The following NRXN1 variants were observed in gnomAD, a reference collection of about 807,000 sequenced individuals.
NRXN1 encodes the protein neurexin-1.
A neutral mutation model predicts 150.9 loss-of-function variants in NRXN1; 39 were observed. The observed-to-expected ratio is 0.26, with a 90% CI of 0.20 to 0.34. The LOEUF (loss-of-function observed/expected upper bound fraction) is 0.34, where lower values mean the gene tolerates loss of function less well. Ranked by LOEUF, NRXN1 falls within the 10% of genes least tolerant of loss-of-function variation. The pLI is 1.00. For missense variants in NRXN1, 1,815 were observed against 1,949.9 expected (o/e 0.93, Z 1.30); for synonymous variants, 924 against 757.0 (o/e 1.22, Z -3.62).
chr2:50,385,254 A>T (rs1340805527), intron 17 of NRXN1, among the ~76,000 whole-genome samples: 1 of 152,184 alleles, frequency 6.6e-6, no homozygotes, highest in Non-Finnish European at 1.5e-5. Flanking sequence ...TGCATGAGTG[A>T]AGGAATGTTT....
chr2:50,394,350 T>C (rs904043937), intron 17 of NRXN1, among the ~76,000 whole-genome samples: 3 of 152,192 alleles, frequency 2.0e-5, no homozygotes, highest in African/African-American at 4.8e-5. Context: ...ACATCCACTT[T>C]TCCACTCCAA....
At chr2:49,943,299 T>G in intron 22 of NRXN1, among the ~76,000 whole-genome samples, 1 of 152,072 alleles carries the variant, frequency 6.6e-6, no homozygotes, top group Middle Eastern at 3.4e-3. Context: ...GCTGGCAGAG[T>G]GAGTGGTGGG....
chr2:50,742,684 G>C (rs930748519), intron 5 of NRXN1, among the ~76,000 whole-genome samples: 1 of 151,486 alleles, frequency 6.6e-6, no homozygotes, highest in Non-Finnish European at 1.5e-5. Flanking sequence ...ATATCTCAAC[G>C]TTCTAATTCA....
intron 16 of NRXN1, among the ~76,000 whole-genome samples, chr2:50,469,121 T>C (rs763448518): frequency 1.3e-5 from 2 of 151,658 alleles, no homozygotes; most frequent in Non-Finnish European, 3.0e-5. Flanking sequence ...GGGAACTTGT[T>C]AGAAATGGAA....
At chr2:50,389,546 G>A (rs936376917) in intron 17 of NRXN1, among the ~76,000 whole-genome samples, 1 of 151,784 alleles carries the variant, frequency 6.6e-6, no homozygotes, top group African/African-American at 2.4e-5. Flanking sequence ...CTGATTCTTT[G>A]TCTTTTCTCT....
chr2:50,424,965 A>T (rs1391084686), intron 17 of NRXN1, among the ~76,000 whole-genome samples: 1 of 152,236 alleles, frequency 6.6e-6, no homozygotes, highest in East Asian at 1.9e-4. Flanking sequence ...ACAATGAGAA[A>T]CTGCTCATTG....
intron 21 of NRXN1, among the ~76,000 whole-genome samples, chr2:49,995,861 T>TAAAAAAAAAAAAAAA (rs60974625): frequency 1.5e-5 from 1 of 66,174 alleles, no homozygotes; most frequent in African/African-American, 5.4e-5. Flanking sequence ...TGCTGGATAG[T>TAAAAAAAAAAAAAAA]AAAAAAAAAA....
chr2:50,333,943 C>G (rs983371671), intron 17 of NRXN1, among the ~76,000 whole-genome samples: 3 of 151,920 alleles, frequency 2.0e-5, no homozygotes, highest in African/African-American at 4.8e-5. Flanking sequence ...GCAAGTCTTG[C>G]CTTCACCATT....
At chr2:50,224,737 G>A (rs999800972) in intron 18 of NRXN1, among the ~76,000 whole-genome samples, 2 of 143,190 alleles carry the variant, frequency 1.4e-5, no homozygotes, top group African/African-American at 2.6e-5. Flanking sequence ...GAGAGAGAAT[G>A]GTTAAATTGC....
chr2:50,014,239 C>T lies in NRXN1; in HGVS notation c.4128+39032G>A, dbSNP rs150882917. On this transcript the variant is annotated intron_variant, in intron 21 of 22. Coordinates refer to ENST00000401669, the MANE Select transcript of NRXN1 (RefSeq NM_001330078.2). ...AGTTTCTTTATCAAGAGTAACCATT[C>T]GAAAATGCTATTTGAGGATTAGTTA... 5.7e-3 allele frequency among the ~76,000 whole-genome samples: 858 copies of T among 151,650 alleles called. 3 individuals carry two copies. Among genetic ancestry groups the T allele is most frequent in the Non-Finnish European group, 9.1e-3 (616 of 67,886 alleles).
intron 2 of NRXN1, among the ~76,000 whole-genome samples, chr2:51,010,293 T>C (rs1667642080): frequency 6.6e-6 from 1 of 152,058 alleles, no homozygotes; most frequent in Non-Finnish European, 1.5e-5. Context: ...GCAAAACACC[T>C]GGTCTTTACA....
chr2:50,826,053 TCTTAAA>T (rs986023991), intron 5 of NRXN1, among the ~76,000 whole-genome samples: 4 of 152,168 alleles, frequency 2.6e-5, no homozygotes, highest in Admixed American at 1.3e-4. Flanking sequence ...GAGAATGAAT[TCTTAAA>T]CTTAAGAAAA....
At chr2:50,574,431 A>T (rs2105479024) in intron 8 of NRXN1, among the ~76,000 whole-genome samples, 1 of 152,306 alleles carries the variant, frequency 6.6e-6, no homozygotes, top group Admixed American at 6.5e-5. Flanking sequence ...GCACGTTTGG[A>T]AACTGAACGG....
Position 51,028,364 on chromosome 2 carries a change from G to A in NRXN1, c.-91C>T, listed in dbSNP as rs937711088. On this transcript the variant is annotated 5_prime_UTR_variant, in exon 2 of 23. Coordinates refer to ENST00000401669, the MANE Select transcript of NRXN1 (RefSeq NM_001330078.2). The stretch of plus-strand genomic sequence containing the variant: ...TGACGAAGAAATAAGGGTCCCGAGA[G>A]ACAGAAAGGTAAGGGGAAAGGCGGG... The A allele has an allele frequency of 1.2e-6, 1 of 847,414 alleles. No homozygotes were observed. Among genetic ancestry groups the A allele is most frequent in the Non-Finnish European group, 1.7e-6 (1 of 591,604 alleles). 52.5% of individuals were successfully genotyped at this position (847,414 alleles called of 1,614,324 possible).
chr2:50,537,137 ACAAC>A (rs1339778469), intron 10 of NRXN1, among the ~76,000 whole-genome samples: 4 of 152,176 alleles, frequency 2.6e-5, no homozygotes, highest in African/African-American at 7.2e-5. Context: ...GTTTCACAAA[ACAAC>A]CCCTCTTTTT....
chr2:50,438,789 C>A (rs2085672465), intron 17 of NRXN1, among the ~76,000 whole-genome samples: 1 of 152,154 alleles, frequency 6.6e-6, no homozygotes, highest in Non-Finnish European at 1.5e-5. Flanking sequence ...GGTATATATG[C>A]TTTAAACTTC....
intron 22 of NRXN1, chr2:49,926,285 T>C: frequency 2.5e-6 from 1 of 398,418 alleles, no homozygotes; most frequent in Non-Finnish European, 4.4e-6. Flanking sequence ...TAAAGCATGT[T>C]ACCTTAAAGG....
chr2:50,167,326 AT>A (rs1383698963), intron 18 of NRXN1, among the ~76,000 whole-genome samples: 4 of 152,156 alleles, frequency 2.6e-5, no homozygotes, highest in Non-Finnish European at 5.9e-5. Context: ...TAGGAATTTA[AT>A]TATCCTTCGT....
intron 18 of NRXN1, among the ~76,000 whole-genome samples, chr2:50,228,769 G>A (rs2064654702): frequency 6.6e-6 from 1 of 151,954 alleles, no homozygotes; most frequent in Non-Finnish European, 1.5e-5. Context: ...GGATTTAAGG[G>A]CTAAAATTCC....
Sources: gnomAD v4.1 joint callset for allele counts (sites outside exome capture counted in the v4.1 genomes callset) on GRCh38, gnomAD v4.1.1 for gene constraint, MANE v1.5 for transcripts, NCBI Gene and HGNC (gene_info 2026-07-23, HGNC 2026-07-21) for gene names.